The following CCDC148 variants were observed in gnomAD, a reference collection of about 807,000 sequenced individuals.
CCDC148 encodes coiled-coil domain-containing protein 148.
A neutral mutation model predicts 85.7 loss-of-function variants in CCDC148; 89 were observed. The ratio of observed to expected loss-of-function variants is 1.04; its 90% CI spans 0.87 to 1.24. The LOEUF (loss-of-function observed/expected upper bound fraction) is 1.24, where lower values mean the gene tolerates loss of function less well. CCDC148 is among the 50% of genes most tolerant of loss of function. The pLI is 0.00. For missense variants in CCDC148, 692 were observed against 671.7 expected (o/e 1.03, Z -0.33); for synonymous variants, 230 against 213.9 (o/e 1.08, Z -0.66).
chr2:158,251,816 T>C (rs1688805042), intron 9 of CCDC148, among the ~76,000 whole-genome samples: 1 of 151,922 alleles, frequency 6.6e-6, no homozygotes, highest in South Asian at 2.1e-4. Context: ...AAATATCAAC[T>C]ATGTATCTAT....
intron 1 of CCDC148, among the ~76,000 whole-genome samples, chr2:158,375,530 G>A (rs1365805597): frequency 1.3e-5 from 2 of 152,100 alleles, no homozygotes; most frequent in African/African-American, 4.8e-5. Context: ...TATCACTGCT[G>A]AGGAAATTTT....
intron 11 of CCDC148, among the ~76,000 whole-genome samples, chr2:158,191,645 T>C (rs1685429121): frequency 6.6e-6 from 1 of 152,028 alleles, no homozygotes; most frequent in South Asian, 2.1e-4. Context: ...TTTCTAGTGC[T>C]TTTTTCCTTT....
intron 1 of CCDC148, among the ~76,000 whole-genome samples, chr2:158,426,638 G>T (rs1687091431): frequency 6.6e-6 from 1 of 152,142 alleles, no homozygotes; most frequent in Non-Finnish European, 1.5e-5. Flanking sequence ...AAGGATGTTT[G>T]TCTCCAGGTT....
At chr2:158,263,814 C>T (rs1689340199) in intron 9 of CCDC148, among the ~76,000 whole-genome samples, 1 of 151,842 alleles carries the variant, frequency 6.6e-6, no homozygotes, top group African/African-American at 2.4e-5. Context: ...AAGTAGTTAT[C>T]AAAAATCCTT....
At chr2:158,277,352 C>T (rs1690000080) in intron 9 of CCDC148, among the ~76,000 whole-genome samples, 1 of 152,116 alleles carries the variant, frequency 6.6e-6, no homozygotes, top group African/African-American at 2.4e-5. Flanking sequence ...ATGACCATTC[C>T]TGATACTTAC....
intron 10 of CCDC148, among the ~76,000 whole-genome samples, chr2:158,245,519 G>A (rs572045193): frequency 7.2e-5 from 11 of 152,292 alleles, no homozygotes; most frequent in East Asian, 5.8e-4. Flanking sequence ...ATTTTGAAAC[G>A]CTAGACGAGG....
At chr2:158,434,359 G>A (rs754504152) in intron 1 of CCDC148, among the ~76,000 whole-genome samples, 1 of 152,066 alleles carries the variant, frequency 6.6e-6, no homozygotes, top group Non-Finnish European at 1.5e-5. Flanking sequence ...AAGCAAACAG[G>A]GTCTGGAGTG....
At chr2:158,311,686 G>C (rs910021677) in intron 8 of CCDC148, among the ~76,000 whole-genome samples, 1 of 152,166 alleles carries the variant, frequency 6.6e-6, no homozygotes, top group Non-Finnish European at 1.5e-5. Context: ...GTTTCAGTTA[G>C]ACAAAATGCT....
intron 11 of CCDC148, among the ~76,000 whole-genome samples, chr2:158,185,490 G>C (rs1359566160): frequency 6.6e-6 from 1 of 152,096 alleles, no homozygotes; most frequent in Non-Finnish European, 1.5e-5. Context: ...TATCACAATG[G>C]AAGCAAAAAT....
At chr2:158,408,441 T>C (rs1686117390) in intron 1 of CCDC148, among the ~76,000 whole-genome samples, 2 of 152,248 alleles carry the variant, frequency 1.3e-5, no homozygotes, top group Middle Eastern at 6.8e-3. Flanking sequence ...TTCTATGAGT[T>C]TGACTATTTT....
intron 1 of CCDC148, among the ~76,000 whole-genome samples, chr2:158,400,197 C>T (rs1050096573): frequency 9.9e-5 from 15 of 151,998 alleles, no homozygotes; most frequent in African/African-American, 3.1e-4. Context: ...TCACAGAATT[C>T]GAATAAACTA....
intron 9 of CCDC148, among the ~76,000 whole-genome samples, chr2:158,297,358 T>C (rs2105195412): frequency 6.6e-6 from 1 of 152,290 alleles, no homozygotes; most frequent in East Asian, 1.9e-4. Context: ...CATATCATTA[T>C]TATATGCATC....
At chr2:158,232,021 T>A (rs1687878810) in intron 10 of CCDC148, among the ~76,000 whole-genome samples, 1 of 152,080 alleles carries the variant, frequency 6.6e-6, no homozygotes, top group African/African-American at 2.4e-5. Context: ...GCACTGATTG[T>A]TAGACTTTTT....
intron 1 of CCDC148, among the ~76,000 whole-genome samples, chr2:158,380,196 G>T (rs538151245): frequency 4.6e-5 from 7 of 152,048 alleles, no homozygotes; most frequent in African/African-American, 1.7e-4. Flanking sequence ...GCTTGCAGCC[G>T]AATTATCTAT....
At chr2:158,435,668 A>C (rs1438689831) in intron 1 of CCDC148, among the ~76,000 whole-genome samples, 3 of 152,254 alleles carry the variant, frequency 2.0e-5, no homozygotes, top group Admixed American at 1.3e-4. Context: ...TCCAATTAAA[A>C]GACACAGACT....
chr2:158,174,676 A>G (rs1684487819), intron 13 of CCDC148, among the ~76,000 whole-genome samples: 1 of 152,032 alleles, frequency 6.6e-6, no homozygotes, highest in Non-Finnish European at 1.5e-5. Context: ...CAGCCTGTAC[A>G]GCATTAGTGT....
At chr2:158,400,823 A>G (rs1011031177) in intron 1 of CCDC148, among the ~76,000 whole-genome samples, 16 of 152,226 alleles carry the variant, frequency 1.1e-4, no homozygotes, top group African/African-American at 3.6e-4. Context: ...ACAAAGGGCT[A>G]ATATCCAGAA....
chr2:158,293,326 T>C (rs1690982400), intron 9 of CCDC148, among the ~76,000 whole-genome samples: 3 of 152,218 alleles, frequency 2.0e-5, no homozygotes. Flanking sequence ...CAACACACCT[T>C]ACACTTGTCT....
At chr2:158,356,557 T>C (rs1223475147) in intron 2 of CCDC148, among the ~76,000 whole-genome samples, 1 of 151,818 alleles carries the variant, frequency 6.6e-6, no homozygotes, top group Admixed American at 6.6e-5. Context: ...GTTAGAATGG[T>C]GATCATTAAA....
Sources: gnomAD v4.1 joint callset for allele counts (sites outside exome capture counted in the v4.1 genomes callset) on GRCh38, gnomAD v4.1.1 for gene constraint, MANE v1.5 for transcripts, NCBI Gene and HGNC (gene_info 2026-07-23, HGNC 2026-07-21) for gene names.